CTNNA2: variants seen among roughly 807,000 people sequenced by gnomAD.
The protein encoded by CTNNA2 is catenin alpha-2.
A neutral mutation model predicts 101.0 loss-of-function variants in CTNNA2; 42 were observed. The observed-to-expected ratio is 0.42, with a 90% CI of 0.32 to 0.54. The LOEUF is 0.54. Ranked by LOEUF, CTNNA2 falls within the 20% of genes least tolerant of loss-of-function variation. The pLI, the probability that CTNNA2 is intolerant of heterozygous loss-of-function variation, is 0.14. For synonymous variants in CTNNA2, 450 were observed against 456.4 expected (o/e 0.99, Z 0.18); for missense variants, 871 against 1,223.1 (o/e 0.71, Z 4.29).
Position 79,874,059 on chromosome 2 carries a change from A to G in CTNNA2, c.586-17A>G. Reference sequence around the variant, plus strand: ...AAATTTCATGTGTGTGACAGCTTTCATGTGTTACACACACAGGAGCTGAAG... The same window carrying G: ...AAATTTCATGTGTGTGACAGCTTTCGTGTGTTACACACACAGGAGCTGAAG... On this transcript the variant is annotated splice_polypyrimidine_tract_variant and intron_variant, in intron 5 of 18. Transcript: ENST00000402739. 6.2e-7 allele frequency: 1 copy of G among 1,612,354 alleles called. No homozygotes were observed. The highest frequency in any genetic ancestry group is 8.5e-7 in the Non-Finnish European group (1 of 1,178,794).
chr2:79,416,696 A>G (rs1034674615), intron 4 of CTNNA2, among the ~76,000 whole-genome samples: 15 of 152,140 alleles, frequency 9.9e-5, no homozygotes, highest in African/African-American at 3.6e-4. Context: ...AGTTAGGGAC[A>G]TATTTAACAG....
rs570204939 is a variant in CTNNA2 at position 80,265,255 on chromosome 2, G to A, written c.1057-127956G>A. ...CTCCTAAAATGTTGGAATTACAGGC[G>A]TGAGCCACTCCTCCCGGCCAGGAAG... On this transcript the variant is annotated intron_variant, in intron 7 of 18. Transcript: ENST00000402739. Among the ~76,000 whole-genome samples the A allele has an allele frequency of 1.2e-4, 18 of 152,282 alleles. No individual in the cohort carries two copies. In the East Asian group the frequency reaches 1.9e-3, roughly 16 times the overall value.
intron 2 of CTNNA2, among the ~76,000 whole-genome samples, chr2:79,209,425 G>A (rs13399098): frequency 1.9e-3 from 296 of 152,188 alleles, no homozygotes; most frequent in African/African-American, 6.6e-3. Flanking sequence ...TTCTTTACTC[G>A]ATACATATTT....
intron 3 of CTNNA2, among the ~76,000 whole-genome samples, chr2:79,796,593 A>G (rs1192444440): frequency 1.3e-5 from 2 of 152,176 alleles, no homozygotes; most frequent in Non-Finnish European, 2.9e-5. Context: ...GGCAGGCAGC[A>G]TCCAACGGGC....
intron 9 of CTNNA2, among the ~76,000 whole-genome samples, chr2:80,422,175 G>C (rs1343931096): frequency 1.3e-5 from 2 of 152,270 alleles, no homozygotes; most frequent in East Asian, 3.9e-4. Context: ...CGTGGCGGAA[G>C]GCAAAGGAAG....
intron 7 of CTNNA2, among the ~76,000 whole-genome samples, chr2:79,918,151 A>T (rs940121679): frequency 6.6e-6 from 1 of 152,124 alleles, no homozygotes; most frequent in Non-Finnish European, 1.5e-5. Context: ...ACTGCCCTCT[A>T]ACCCAACATT....
At chr2:79,522,766 G>A (rs1302574570) in intron 1 of CTNNA2, among the ~76,000 whole-genome samples, 2 of 152,182 alleles carry the variant, frequency 1.3e-5, no homozygotes, top group Non-Finnish European at 2.9e-5. Context: ...TGAAAAGTGA[G>A]ACTAGAGTGA....
chr2:79,634,548 G>C (rs1389810848), intron 1 of CTNNA2: 1 of 152,140 alleles, frequency 6.6e-6, no homozygotes. Context: ...AAGGTTCTAA[G>C]TATTCTAGTG....
At chr2:79,487,861 T>C (rs1186559838) in intron 4 of CTNNA2, among the ~76,000 whole-genome samples, 3 of 152,114 alleles carry the variant, frequency 2.0e-5, no homozygotes, top group Admixed American at 6.5e-5. Context: ...AATAGATAAC[T>C]AAAAGAGTAA....
At chr2:80,318,668 G>A (rs1308106025) in intron 7 of CTNNA2, among the ~76,000 whole-genome samples, 2 of 152,178 alleles carry the variant, frequency 1.3e-5, no homozygotes, top group African/African-American at 2.4e-5. Context: ...TATGTGGTGG[G>A]TGGTTTTCTA....
At chr2:79,384,775 G>A (rs1354008660) in intron 4 of CTNNA2, among the ~76,000 whole-genome samples, 7 of 151,994 alleles carry the variant, frequency 4.6e-5, no homozygotes, top group Admixed American at 4.6e-4. Context: ...TTCTACCCGT[G>A]CTCAAGTCCA....
chr2:80,394,253 G>A (rs1305440882), intron 8 of CTNNA2, among the ~76,000 whole-genome samples: 1 of 152,222 alleles, frequency 6.6e-6, no homozygotes, highest in Non-Finnish European at 1.5e-5. Context: ...GCCTGGGCGA[G>A]AATGGCCAAG....
intron 7 of CTNNA2, among the ~76,000 whole-genome samples, chr2:80,190,801 C>T (rs1347696810): frequency 6.6e-6 from 1 of 152,134 alleles, no homozygotes; most frequent in Non-Finnish European, 1.5e-5. Flanking sequence ...ACTTAGAATG[C>T]CATCTCTTAT....
chr2:79,215,517 T>C (rs1674243364), intron 2 of CTNNA2, among the ~76,000 whole-genome samples: 1 of 152,168 alleles, frequency 6.6e-6, no homozygotes, highest in South Asian at 2.1e-4. Context: ...TGGAGTTTTA[T>C]TTAATGTCAG....
chr2:80,509,964 T>C (rs763184371), intron 9 of CTNNA2, among the ~76,000 whole-genome samples: 3 of 152,208 alleles, frequency 2.0e-5, no homozygotes, highest in Non-Finnish European at 4.4e-5. Context: ...CTTCCTCTGT[T>C]CTACTCTCAT....
chr2:80,521,085 G>A (rs1445728734), intron 9 of CTNNA2, among the ~76,000 whole-genome samples: 1 of 152,188 alleles, frequency 6.6e-6, no homozygotes, highest in Admixed American at 6.5e-5. Flanking sequence ...CCAGCTGTGA[G>A]CACCCACGAA....
At chr2:79,935,859 T>A (rs1687754711) in intron 7 of CTNNA2, among the ~76,000 whole-genome samples, 1 of 152,238 alleles carries the variant, frequency 6.6e-6, no homozygotes. Context: ...TTTTCCCTTT[T>A]TAGGTTTATT....
chr2:80,382,340 C>A (rs559452288), intron 7 of CTNNA2, among the ~76,000 whole-genome samples: 1 of 149,362 alleles, frequency 6.7e-6, no homozygotes, highest in Non-Finnish European at 1.5e-5. Flanking sequence ...TATCCTTGGG[C>A]AGCTGTGCCT....
intron 4 of CTNNA2, among the ~76,000 whole-genome samples, chr2:79,392,108 A>G (rs78260103): frequency 0.012 from 1,901 of 152,318 alleles, 24 homozygotes; most frequent in Non-Finnish European, 0.02. Context: ...GAGCTCCAAC[A>G]TATGAATTTT....
Sources: allele counts gnomAD v4.1 joint callset (sites outside exome capture counted in the v4.1 genomes callset), GRCh38; gene constraint gnomAD v4.1.1; transcripts MANE v1.5; gene names NCBI Gene and HGNC (gene_info 2026-07-23, HGNC 2026-07-21).